The following ARHGAP44 variants were observed in gnomAD, a reference collection of about 807,000 sequenced individuals.
ARHGAP44 encodes the protein Rho GTPase activating protein 44.
In ARHGAP44, 43 loss-of-function variants were observed where a neutral mutation model predicts 106.8. The observed-to-expected ratio is 0.40, with a 90% confidence interval of 0.32 to 0.52. The LOEUF is 0.52. ARHGAP44 is among the 20% of genes least tolerant of loss of function. The pLI, the probability that ARHGAP44 is intolerant of heterozygous loss-of-function variation, is 0.48. For missense variants in ARHGAP44, 866 were observed against 1,050.5 expected (o/e 0.82, Z 2.43); for synonymous variants, 439 against 410.3 (o/e 1.07, Z -0.85).
At chr17:12,790,012 C>A in intron 1 of ARHGAP44, 121 bp downstream of exon 1, 1 of 928,230 alleles carries the variant, frequency 1.1e-6, no homozygotes, top group Non-Finnish European at 1.5e-6. Context: ...TCCCCTGCAC[C>A]AGCTCCCTCC....
chr17:12,930,151 C>T (rs1040278047), intron 7 of ARHGAP44, among the ~76,000 whole-genome samples: 6 of 152,194 alleles, frequency 3.9e-5, no homozygotes, highest in African/African-American at 9.6e-5. Flanking sequence ...AAATATCTGG[C>T]GTGTGTGGTA....
chr17:12,983,374 C>T (rs894505275), intron 19 of ARHGAP44, among the ~76,000 whole-genome samples: 1 of 151,940 alleles, frequency 6.6e-6, no homozygotes, highest in Admixed American at 6.6e-5. Context: ...CAAGTATCTC[C>T]TGGACGTTTG....
intron 1 of ARHGAP44, among the ~76,000 whole-genome samples, chr17:12,882,546 C>T (rs2036769395): frequency 6.6e-6 from 1 of 152,062 alleles, no homozygotes; most frequent in Non-Finnish European, 1.5e-5. Context: ...TTTTCACCCT[C>T]TCCCCAAGGG....
chr17:12,896,446 A>G lies in ARHGAP44; in HGVS notation c.133A>G (p.Ser45Gly), dbSNP rs768335427. 1.9e-6 allele frequency: 3 copies of G among 1,609,624 alleles called. No homozygotes were observed. Among genetic ancestry groups the G allele is most frequent in the Non-Finnish European group, 2.5e-6 (3 of 1,178,254 alleles). Residue 45 changes from serine (S) to glycine (G), a missense_variant, in exon 3 of 21, where the codon AGC becomes GGC. By Grantham distance (56) the Ser-to-Gly change is moderately conservative. Transcript: ENST00000379672. ...GGAGCTGGTGAAACAGGTGTCCCAC[A>G]GCACGCACAAGAAGCTCACCGCATG... The part of the protein sequence containing the change: ...RLELVKQVSH[S>G]THKKLTACLQ...
chr17:12,918,154 G>A (rs1053599387), intron 5 of ARHGAP44, among the ~76,000 whole-genome samples: 5 of 152,290 alleles, frequency 3.3e-5, no homozygotes, highest in African/African-American at 4.8e-5. Context: ...GAGCAAGTCC[G>A]TTGTGGGTGC....
chr17:12,973,876 G>C, intron 17 of ARHGAP44: 2 of 600,060 alleles, frequency 3.3e-6, no homozygotes, highest in South Asian at 4.0e-5. Context: ...GGCCGCTCTT[G>C]CCAGGACTGG....
intron 1 of ARHGAP44, among the ~76,000 whole-genome samples, chr17:12,802,761 T>C (rs947848819): frequency 3.2e-5 from 4 of 125,944 alleles, no homozygotes; most frequent in African/African-American, 9.8e-5. Context: ...TTCTTTTTTT[T>C]TTTTTTTTTT....
intron 1 of ARHGAP44, among the ~76,000 whole-genome samples, chr17:12,874,591 TGTG>T (rs532355685): frequency 2.6e-5 from 4 of 151,618 alleles, no homozygotes; most frequent in Non-Finnish European, 5.9e-5. Context: ...ATTAGCAGGG[TGTG>T]GTGGTGGGCA....
At chr17:12,868,591 T>TTATATATATATA (rs1209692482) in intron 1 of ARHGAP44, among the ~76,000 whole-genome samples, 475 of 46,502 alleles carry the variant, frequency 0.01, 1 homozygote, top group Non-Finnish European at 0.014. Context: ...TATATGCATT[T>TTATATATATATA]TATATATATA....
intron 7 of ARHGAP44, among the ~76,000 whole-genome samples, chr17:12,933,417 A>G (rs971779395): frequency 2.0e-5 from 3 of 152,216 alleles, no homozygotes; most frequent in African/African-American, 7.2e-5. Flanking sequence ...TCCATAAGAC[A>G]AAACCCACTG....
At chr17:12,987,572 C>A (rs183968290) in intron 20 of ARHGAP44, 1 of 156,708 alleles carries the variant, frequency 6.4e-6, no homozygotes, top group Admixed American at 6.4e-5. Flanking sequence ...TTTAGGAAGG[C>A]GTCCTGAGGG....
intron 1 of ARHGAP44, among the ~76,000 whole-genome samples, chr17:12,845,517 A>AAAAACC: frequency 7.0e-6 from 1 of 141,998 alleles, no homozygotes; most frequent in East Asian, 2.1e-4. Context: ...AAAAAAAAAA[A>AAAAACC]AAAAACAAAA....
At chr17:12,913,239 ATTT>A (rs967680817) in intron 4 of ARHGAP44, among the ~76,000 whole-genome samples, 1 of 151,722 alleles carries the variant, frequency 6.6e-6, no homozygotes, top group Non-Finnish European at 1.5e-5. Context: ...ATGAGGTTTA[ATTT>A]TTTTTTAATC....
intron 1 of ARHGAP44, among the ~76,000 whole-genome samples, chr17:12,853,652 A>G (rs1487827742): frequency 6.6e-6 from 1 of 152,210 alleles, no homozygotes; most frequent in Admixed American, 6.5e-5. Flanking sequence ...TGTCAGCTAG[A>G]TGTTCTCAAC....
chr17:12,819,181 T>C (rs975334263), intron 1 of ARHGAP44, among the ~76,000 whole-genome samples: 1 of 152,102 alleles, frequency 6.6e-6, no homozygotes, highest in Non-Finnish European at 1.5e-5. Context: ...GGATCTCACA[T>C]AAATTAGATC....
At chr17:12,954,288 A>C (rs1003271254) in intron 13 of ARHGAP44, among the ~76,000 whole-genome samples, 2 of 152,204 alleles carry the variant, frequency 1.3e-5, no homozygotes, top group Admixed American at 6.5e-5. Flanking sequence ...AACACTGTGA[A>C]TGTACTTAAT....
chr17:12,802,487 G>A (rs920233107), intron 1 of ARHGAP44, among the ~76,000 whole-genome samples: 1 of 152,110 alleles, frequency 6.6e-6, no homozygotes, highest in Non-Finnish European at 1.5e-5. Flanking sequence ...CGTTAAGTCC[G>A]ATCTTCACTT....
intron 1 of ARHGAP44, among the ~76,000 whole-genome samples, chr17:12,822,772 A>G (rs2034808404): frequency 6.6e-6 from 1 of 152,082 alleles, no homozygotes; most frequent in African/African-American, 2.4e-5. Context: ...TCCCCTTCCC[A>G]ATGCACATGT....
intron 16 of ARHGAP44, chr17:12,959,136 A>T: frequency 2.1e-5 from 10 of 481,868 alleles, no homozygotes; most frequent in South Asian, 8.4e-5. Context: ...AGTATTAATT[A>T]GTTCTCATCA....
Sources: allele counts gnomAD v4.1 joint callset (sites outside exome capture counted in the v4.1 genomes callset), GRCh38; gene constraint gnomAD v4.1.1; transcripts MANE v1.5; gene names NCBI Gene and HGNC (gene_info 2026-07-23, HGNC 2026-07-21).